TENM2: variants seen among roughly 807,000 people sequenced by gnomAD.
TENM2 encodes the protein teneurin transmembrane protein 2.
Under a neutral mutation model 245.2 loss-of-function variants are expected in TENM2, and 52 were observed. The observed-to-expected ratio is 0.21, with a 90% CI of 0.17 to 0.27. The LOEUF (loss-of-function observed/expected upper bound fraction) is 0.27, where lower values mean the gene tolerates loss of function less well. Among genes scored for constraint, TENM2 ranks in the 10% least tolerant of loss-of-function variants. The probability of loss-of-function intolerance (pLI) is 1.00; values close to 1 mark genes in which losing one functional copy is unlikely to be tolerated. For missense variants in TENM2, 3,046 were observed against 3,666.8 expected, an observed-to-expected ratio of 0.83 and a Z score of 4.37; for synonymous variants, 1,363 against 1,438.9, an observed-to-expected ratio of 0.95 and a Z score of 1.19.
chr5:168,064,200 T>G (rs1271041527), intron 7 of TENM2, among the ~76,000 whole-genome samples: 1 of 152,132 alleles, frequency 6.6e-6, no homozygotes, highest in African/African-American at 2.4e-5. Context: ...TTATGCAAAT[T>G]GTTAAGTGGT....
At chr5:167,812,770 A>T (rs556869855) in intron 2 of TENM2, among the ~76,000 whole-genome samples, 1 of 152,312 alleles carries the variant, frequency 6.6e-6, no homozygotes, top group South Asian at 2.1e-4. Flanking sequence ...AGCAATGCCT[A>T]TCTTTGATGG....
chr5:167,934,724 AC>A, intron 3 of TENM2: 1 of 240,792 alleles, frequency 4.2e-6, no homozygotes, highest in Non-Finnish European at 6.7e-6. Context: ...CTCAGGGCAT[AC>A]CAATATCGCT....
chr5:167,910,264 C>T (rs1367709726), intron 3 of TENM2, among the ~76,000 whole-genome samples: 4 of 152,048 alleles, frequency 2.6e-5, no homozygotes, highest in Non-Finnish European at 5.9e-5. Context: ...TATTTCTCAG[C>T]GGTCCTCCAG....
At chr5:168,260,365 G>T (rs1768072750) in exon 28 of TENM2, 2 of 1,613,836 alleles carry the variant, frequency 1.2e-6, no homozygotes, top group East Asian at 4.5e-5. Context: ...TGTATTTCGT[G>T]CCTCCTCCCT....
intron 23 of TENM2, among the ~76,000 whole-genome samples, chr5:168,225,875 TG>T (rs1764134133): frequency 6.6e-6 from 1 of 152,018 alleles, no homozygotes; most frequent in Non-Finnish European, 1.5e-5. Flanking sequence ...TTCCAGGAGC[TG>T]AAGTCAGTTA....
At chr5:168,000,207 C>T (rs1784329936) in intron 5 of TENM2, among the ~76,000 whole-genome samples, 1 of 152,206 alleles carries the variant, frequency 6.6e-6, no homozygotes, top group African/African-American at 2.4e-5. Flanking sequence ...TTAAATTCTC[C>T]ATTTCTGACA....
chr5:167,319,814 C>T (rs984430469), intron 1 of TENM2, among the ~76,000 whole-genome samples: 2 of 152,114 alleles, frequency 1.3e-5, no homozygotes, highest in Non-Finnish European at 2.9e-5. Context: ...CTACCTAGAA[C>T]CTATTAAATG....
intron 3 of TENM2, among the ~76,000 whole-genome samples, chr5:167,898,344 C>G (rs551181149): frequency 6.6e-6 from 1 of 152,218 alleles, no homozygotes; most frequent in South Asian, 2.1e-4. Flanking sequence ...AACCAGCTTT[C>G]CAATGAGTCT....
intron 2 of TENM2, among the ~76,000 whole-genome samples, chr5:167,720,457 G>A (rs149262238): frequency 2.6e-4 from 40 of 152,292 alleles, no homozygotes; most frequent in Non-Finnish European, 4.7e-4. Context: ...ACAAGAGTCT[G>A]ATGTCTCATC....
At chr5:167,196,689 T>G in the TENM2 span, among the ~76,000 whole-genome samples, 1 of 151,494 alleles carries the variant, frequency 6.6e-6, no homozygotes, top group African/African-American at 2.4e-5. Flanking sequence ...CTGAAAATAT[T>G]CAGGAAAATA....
chr5:167,437,677 G>A (rs1007308069), intron 2 of TENM2, among the ~76,000 whole-genome samples: 14 of 152,084 alleles, frequency 9.2e-5, no homozygotes, highest in South Asian at 2.1e-4. Context: ...GGTAGAACCC[G>A]GTGGGAGGTC....
chr5:167,786,252 C>T (rs574980658), intron 2 of TENM2, among the ~76,000 whole-genome samples: 4 of 152,194 alleles, frequency 2.6e-5, no homozygotes, highest in East Asian at 1.9e-4. Context: ...TCACAAATGG[C>T]AGAGGCTGAA....
At chr5:168,088,875 T>C (rs1792686234) in intron 7 of TENM2, among the ~76,000 whole-genome samples, 1 of 152,172 alleles carries the variant, frequency 6.6e-6, no homozygotes, top group African/African-American at 2.4e-5. Flanking sequence ...ATTAGGAGAT[T>C]CCTGGAGTTT....
chr5:167,029,005 C>G, the TENM2 span, among the ~76,000 whole-genome samples: 6 of 151,920 alleles, frequency 3.9e-5, no homozygotes, highest in Non-Finnish European at 5.9e-5. Flanking sequence ...TTTCTAATAC[C>G]GTTGAAGCTC....
the TENM2 span, among the ~76,000 whole-genome samples, chr5:167,233,799 T>C: frequency 1.5e-3 from 236 of 152,294 alleles, 2 homozygotes; most frequent in South Asian, 0.013. Flanking sequence ...AAGAAAATTA[T>C]GTCTAATTTT....
intron 3 of TENM2, among the ~76,000 whole-genome samples, chr5:167,926,930 C>T (rs1232549005): frequency 1.3e-5 from 2 of 152,146 alleles, no homozygotes; most frequent in Non-Finnish European, 2.9e-5. Context: ...CTGCATGTGA[C>T]ACTACAATTA....
chr5:167,796,778 G>A (rs913874602), intron 2 of TENM2, among the ~76,000 whole-genome samples: 4 of 151,970 alleles, frequency 2.6e-5, no homozygotes, highest in South Asian at 2.1e-4. Flanking sequence ...TATGAAAGTC[G>A]CACATCCTTT....
chr5:168,080,791 A>C (rs180758475), intron 7 of TENM2, among the ~76,000 whole-genome samples: 1 of 152,300 alleles, frequency 6.6e-6, no homozygotes, highest in African/African-American at 2.4e-5. Flanking sequence ...CTGTGGTCTG[A>C]GAAATAGTTT....
intron 5 of TENM2, among the ~76,000 whole-genome samples, chr5:168,029,114 C>G (rs562193071): frequency 5.5e-4 from 84 of 152,286 alleles, no homozygotes; most frequent in African/African-American, 1.7e-3. Flanking sequence ...ATTTCTGGTT[C>G]CTAGATGGCA....
Sources: gnomAD v4.1 joint callset for allele counts (sites outside exome capture counted in the v4.1 genomes callset) on GRCh38, gnomAD v4.1.1 for gene constraint, MANE v1.5 for transcripts, NCBI Gene and HGNC (gene_info 2026-07-23, HGNC 2026-07-21) for gene names.